The following TRDN variants were observed in gnomAD, a reference collection of about 807,000 sequenced individuals.
TRDN encodes triadin, also known as triadin in skeletal muscle.
Under a neutral mutation model 149.7 loss-of-function variants are expected in TRDN, and 161 were observed. The ratio of observed to expected loss-of-function variants is 1.08; its 90% confidence interval spans 0.95 to 1.23. TRDN has a LOEUF of 1.23. TRDN is among the 50% of genes most tolerant of loss of function. The pLI, the probability that TRDN is intolerant of heterozygous loss-of-function variation, is 0.00. For missense variants in TRDN, 896 were observed against 823.5 expected, an observed-to-expected ratio of 1.09 and a Z score of -1.08; for synonymous variants, 294 against 250.5, an observed-to-expected ratio of 1.17 and a Z score of -1.64.
intron 16 of TRDN, 108 bp from the exon 17 acceptor site, chr6:123,378,006 T>C (rs1781574689): frequency 3.0e-6 from 2 of 672,948 alleles, no homozygotes; most frequent in South Asian, 2.2e-5. Context: ...TGATGCCAGA[T>C]TGCAGCAACT....
chr6:123,467,284 C>T (rs189069184), intron 9 of TRDN, among the ~76,000 whole-genome samples: 21 of 146,048 alleles, frequency 1.4e-4, no homozygotes, highest in East Asian at 4.0e-4. Context: ...ATGGGGAAGA[C>T]GGAGGGATTC....
At chr6:123,528,660 T>C (rs1780067395) in intron 5 of TRDN, 1 of 986,832 alleles carries the variant, frequency 1.0e-6, no homozygotes, top group South Asian at 4.7e-5. Context: ...GAAAACAGTA[T>C]TTATCCACAT....
At chr6:123,624,282 A>G (rs1785539170) in intron 1 of TRDN, among the ~76,000 whole-genome samples, 1 of 152,138 alleles carries the variant, frequency 6.6e-6, no homozygotes, top group Non-Finnish European at 1.5e-5. Context: ...CCTCAAAAAC[A>G]GAGACCCATA....
At chr6:123,499,716 A>AT (rs1562348664) in intron 8 of TRDN, among the ~76,000 whole-genome samples, 45 of 110,646 alleles carry the variant, frequency 4.1e-4, no homozygotes, top group African/African-American at 1.4e-3. Flanking sequence ...AAAAAAAAAA[A>AT]AAAATATATA....
At chr6:123,390,962 T>C (rs1782089418) in intron 13 of TRDN, among the ~76,000 whole-genome samples, 1 of 152,024 alleles carries the variant, frequency 6.6e-6, no homozygotes, top group Non-Finnish European at 1.5e-5. Flanking sequence ...TAACACAGAG[T>C]GCACATACCC....
At chr6:123,496,799 T>C (rs576995299) in intron 9 of TRDN, among the ~76,000 whole-genome samples, 158 of 152,232 alleles carry the variant, frequency 1.0e-3, no homozygotes, top group African/African-American at 3.6e-3. Context: ...ATTTGAAATG[T>C]GATGATTTTA....
At chr6:123,510,367 A>G (rs1224077721) in intron 7 of TRDN, 1 of 152,120 alleles carries the variant, frequency 6.6e-6, no homozygotes, top group Non-Finnish European at 1.5e-5. Flanking sequence ...TCTTAAAAAT[A>G]CTGAATTGAG....
chr6:123,279,267 A>G (rs1018302794), intron 24 of TRDN, among the ~76,000 whole-genome samples, 185 bp from the exon 25 acceptor site: 1 of 152,150 alleles, frequency 6.6e-6, no homozygotes, highest in African/African-American at 2.4e-5. Context: ...AAGATTGGCA[A>G]ACTTTTTCTG....
At chr6:123,228,218 A>C (rs1357118941) in intron 38 of TRDN, among the ~76,000 whole-genome samples, 1 of 151,930 alleles carries the variant, frequency 6.6e-6, no homozygotes, top group African/African-American at 2.4e-5. Context: ...ATTAAAAATC[A>C]GAGAGATTCA....
At chr6:123,438,147 A>C (rs1478504533) in intron 11 of TRDN, 25 bp from the exon 12 acceptor site, 2 of 1,544,960 alleles carry the variant, frequency 1.3e-6, no homozygotes, top group Admixed American at 4.0e-5. Flanking sequence ...AGAAAGTTAT[A>C]AGCCTTTACC....
intron 12 of TRDN, among the ~76,000 whole-genome samples, chr6:123,417,684 A>G (rs540148647): frequency 1.3e-5 from 2 of 152,346 alleles, no homozygotes; most frequent in Non-Finnish European, 2.9e-5. Context: ...GAGCACATGC[A>G]TTCAACCTGT....
intron 1 of TRDN, among the ~76,000 whole-genome samples, chr6:123,585,888 T>C (rs1381523000): frequency 6.6e-6 from 1 of 152,056 alleles, no homozygotes; most frequent in Non-Finnish European, 1.5e-5. Context: ...TTTTCTATTA[T>C]TGTACACCTT....
chr6:123,460,220 T>C (rs1284678563), intron 10 of TRDN, among the ~76,000 whole-genome samples: 2 of 152,180 alleles, frequency 1.3e-5, no homozygotes, highest in Non-Finnish European at 1.5e-5. Context: ...CAGTCCTGTA[T>C]TGAAAAATTA....
At chr6:123,531,277 T>G (rs1263755883) in intron 4 of TRDN, among the ~76,000 whole-genome samples, 1 of 152,058 alleles carries the variant, frequency 6.6e-6, no homozygotes, top group East Asian at 1.9e-4. Context: ...ATTGCTACCT[T>G]TGAAAAGTGA....
intron 1 of TRDN, among the ~76,000 whole-genome samples, chr6:123,578,622 T>A (rs1439827239): frequency 6.6e-6 from 1 of 152,196 alleles, no homozygotes; most frequent in Admixed American, 6.6e-5. Context: ...TGCTTAGGAT[T>A]GTCTTGGCTA....
At position 123,331,879 on chromosome 6, in the gene TRDN, C is replaced by G. The variant is rs1779672745; in HGVS notation, c.1471G>C (p.Glu491Gln). The G allele has an allele frequency of 6.5e-7, 1 of 1,538,510 alleles. No homozygotes were observed. Among genetic ancestry groups the G allele is most frequent in the African/African-American group, 1.4e-5 (1 of 73,004 alleles). Reference protein sequence around the residue: ...EKVPASLKEKEPETKKDEKMS... With the variant: ...EKVPASLKEKQPETKKDEKMS... The stretch of plus-strand genomic sequence containing the variant: ...TTCACATTTCATTGTATAATATTAC[C>G]TTTTTCCTTTAGGGAAGCTGGAACT... The change falls in exon 23 of 41, where the codon GAA (glutamate) becomes CAA (glutamine). Residue 491 changes from glutamate to glutamine, a missense_variant and splice_region_variant. By Grantham distance (29) the Glu-to-Gln change is conservative. Coordinates refer to ENST00000334268, the MANE Select transcript of TRDN (RefSeq NM_006073.4).
At chr6:123,421,520 T>G (rs1311317729) in intron 12 of TRDN, 1 of 152,148 alleles carries the variant, frequency 6.6e-6, no homozygotes, top group Non-Finnish European at 1.5e-5. Context: ...TGCTGTTCTC[T>G]CTTCATACTC....
Position 123,218,571 on chromosome 6 carries a change from A to G in TRDN, c.*30T>C. 1.9e-6 allele frequency: 3 copies of G among 1,585,186 alleles called. No homozygotes were observed. The highest frequency in any genetic ancestry group is 2.2e-5 in the East Asian group (1 of 44,468). Reference sequence around the variant, plus strand: ...CAAAACATCACATTTTTAAAATCTTAAAGCACTTGTAAGGGTCATACATGT... The same window carrying G: ...CAAAACATCACATTTTTAAAATCTTGAAGCACTTGTAAGGGTCATACATGT... On this transcript the variant is annotated 3_prime_UTR_variant, in exon 41 of 41. Transcript: ENST00000334268.
At position 123,224,246 on chromosome 6, in the gene TRDN, G is replaced by C. The variant is rs1453001428; in HGVS notation, c.1976-115C>G. On this transcript the variant is annotated intron_variant, in intron 38 of 40. Transcript: ENST00000334268. The stretch of plus-strand genomic sequence containing the variant: ...CAAGATCCCTGAATCTACAAACTCA[G>C]CATCTACAGTCTCCATAAATAAGAG... 4 of 930,716 alleles carry C rather than the reference G, an allele frequency of 4.3e-6. No homozygotes were observed. In the East Asian group the frequency reaches 1.0e-4, roughly 23 times the overall value. 57.7% of individuals were successfully genotyped at this position (930,716 alleles called of 1,614,324 possible).
Sources: allele counts gnomAD v4.1 joint callset (sites outside exome capture counted in the v4.1 genomes callset), GRCh38; gene constraint gnomAD v4.1.1; transcripts MANE v1.5; gene names NCBI Gene and HGNC (gene_info 2026-07-23, HGNC 2026-07-21).